The following TMEFF1 variants were observed in gnomAD, a reference collection of about 807,000 sequenced individuals.
TMEFF1 encodes the protein tomoregulin-1.
Under a neutral mutation model 47.5 loss-of-function variants are expected in TMEFF1, and 20 were observed. The ratio of observed to expected loss-of-function variants is 0.42; its 90% CI spans 0.30 to 0.61. The LOEUF (loss-of-function observed/expected upper bound fraction) is 0.61. Among genes scored for constraint, TMEFF1 ranks in the 20% least tolerant of loss-of-function variants. The pLI, the probability that TMEFF1 is intolerant of heterozygous loss-of-function variation, is 0.19. For synonymous variants in TMEFF1, 162 were observed against 166.3 expected (o/e 0.97, Z 0.20); for missense variants, 411 against 471.1 (o/e 0.87, Z 1.18).
intron 8 of TMEFF1, among the ~76,000 whole-genome samples, chr9:100,565,161 T>A (rs1839099107): frequency 6.6e-6 from 1 of 152,158 alleles, no homozygotes; most frequent in South Asian, 2.1e-4. Flanking sequence ...GAGATGTGAT[T>A]GAAGACATAC....
intron 5 of TMEFF1, among the ~76,000 whole-genome samples, chr9:100,528,508 G>T (rs1838310828): frequency 6.9e-6 from 1 of 145,620 alleles, no homozygotes; most frequent in South Asian, 2.3e-4. Flanking sequence ...AAGATGAAAT[G>T]AATGAAATGA....
At chr9:100,532,283 C>T (rs1244710816) in intron 5 of TMEFF1, among the ~76,000 whole-genome samples, 2 of 152,134 alleles carry the variant, frequency 1.3e-5, no homozygotes, top group Non-Finnish European at 2.9e-5. Context: ...GCAAAAGAAA[C>T]TACTATCAGA....
At chr9:100,540,282 GAC>G (rs1357329723) in intron 5 of TMEFF1, among the ~76,000 whole-genome samples, 5 of 152,360 alleles carry the variant, frequency 3.3e-5, no homozygotes, top group South Asian at 4.1e-4. Flanking sequence ...CCTCTAGCTA[GAC>G]ACAGAGTGTT....
chr9:100,566,690 C>T (rs193231353), intron 8 of TMEFF1, among the ~76,000 whole-genome samples: 7 of 151,892 alleles, frequency 4.6e-5, no homozygotes, highest in African/African-American at 4.8e-5. Context: ...TGAGTGCCCC[C>T]GCCTTTTTTC....
intron 8 of TMEFF1, among the ~76,000 whole-genome samples, 193 bp from the exon 9 acceptor site, chr9:100,572,325 G>T (rs1443380743): frequency 6.6e-6 from 1 of 152,114 alleles, no homozygotes; most frequent in Non-Finnish European, 1.5e-5. Flanking sequence ...TTAGGTGAAA[G>T]ACGCACCATG....
At chr9:100,513,922 T>C (rs1198687405) in intron 4 of TMEFF1, among the ~76,000 whole-genome samples, 1 of 152,212 alleles carries the variant, frequency 6.6e-6, no homozygotes, top group Non-Finnish European at 1.5e-5. Context: ...TATCTATGTT[T>C]TTGATTTTAT....
At chr9:100,527,149 A>C (rs1355754785) in intron 5 of TMEFF1, among the ~76,000 whole-genome samples, 2 of 151,990 alleles carry the variant, frequency 1.3e-5, no homozygotes, top group African/African-American at 2.4e-5. Flanking sequence ...TCTTAAAAAA[A>C]AAAAACAAAA....
intron 1 of TMEFF1, among the ~76,000 whole-genome samples, chr9:100,480,510 A>G (rs183483542): frequency 1.3e-5 from 2 of 152,360 alleles, no homozygotes; most frequent in East Asian, 1.9e-4. Context: ...GAATTAAATT[A>G]TGGTTAAGAC....
intron 5 of TMEFF1, among the ~76,000 whole-genome samples, chr9:100,533,592 C>T (rs1042718155): frequency 5.9e-5 from 9 of 151,956 alleles, no homozygotes; most frequent in African/African-American, 1.9e-4. Flanking sequence ...TTTTACTAAC[C>T]TCTGTTGTAA....
chr9:100,476,784 C>T (rs1201139341), intron 1 of TMEFF1, among the ~76,000 whole-genome samples: 2 of 149,556 alleles, frequency 1.3e-5, no homozygotes, highest in Non-Finnish European at 3.0e-5. Flanking sequence ...GCAAGCTCCG[C>T]CTCCCGGGTT....
At chr9:100,527,459 G>C (rs183771458) in intron 5 of TMEFF1, among the ~76,000 whole-genome samples, 5 of 152,182 alleles carry the variant, frequency 3.3e-5, no homozygotes, top group Admixed American at 6.5e-5. Flanking sequence ...TTCCCTTTCC[G>C]AGTCAAAGAA....
At chr9:100,540,967 A>C (rs1838617047) in intron 5 of TMEFF1, among the ~76,000 whole-genome samples, 1 of 151,868 alleles carries the variant, frequency 6.6e-6, no homozygotes, top group East Asian at 1.9e-4. Flanking sequence ...TTATTTGTTG[A>C]TTATGTGGGC....
intron 5 of TMEFF1, 70 bp downstream of exon 5, chr9:100,516,841 G>T: frequency 6.5e-7 from 1 of 1,530,336 alleles, no homozygotes; most frequent in Non-Finnish European, 8.8e-7. Context: ...ATTGTGGAAA[G>T]GTATCATTTA....
chr9:100,547,203 A>G (rs1838750750), intron 5 of TMEFF1, among the ~76,000 whole-genome samples: 2 of 151,824 alleles, frequency 1.3e-5, no homozygotes, highest in African/African-American at 4.8e-5. Flanking sequence ...TTTTGTAGAG[A>G]TGGGGTCTTG....
At chr9:100,476,005 A>C (rs138965622) in intron 1 of TMEFF1, among the ~76,000 whole-genome samples, 1 of 152,222 alleles carries the variant, frequency 6.6e-6, no homozygotes, top group African/African-American at 2.4e-5. Context: ...GGGGCAAGTT[A>C]CTTAATTTCT....
At chr9:100,536,828 G>T (rs936400408) in intron 5 of TMEFF1, among the ~76,000 whole-genome samples, 2 of 152,142 alleles carry the variant, frequency 1.3e-5, no homozygotes, top group African/African-American at 2.4e-5. Flanking sequence ...TGCAATTCTA[G>T]CTGGTTAACA....
chr9:100,541,271 C>T (rs7861317), intron 5 of TMEFF1, among the ~76,000 whole-genome samples: 19,455 of 151,290 alleles, frequency 0.13, 1,385 homozygotes, highest in Middle Eastern at 0.18. Context: ...TTCAGTTTTG[C>T]TGATATTTTT....
chr9:100,534,623 GA>G (rs1383346708), intron 5 of TMEFF1, among the ~76,000 whole-genome samples: 1 of 152,066 alleles, frequency 6.6e-6, no homozygotes, highest in Middle Eastern at 3.2e-3. Context: ...GACTTTACTT[GA>G]AATGGTAATT....
intron 6 of TMEFF1, among the ~76,000 whole-genome samples, chr9:100,549,271 G>A (rs1838790432): frequency 6.6e-6 from 1 of 152,136 alleles, no homozygotes. Context: ...AGAACAAAGG[G>A]AGGTGTCATG....
Sources: gnomAD v4.1 joint callset for allele counts (sites outside exome capture counted in the v4.1 genomes callset) on GRCh38, gnomAD v4.1.1 for gene constraint, MANE v1.5 for transcripts, NCBI Gene and HGNC (gene_info 2026-07-23, HGNC 2026-07-21) for gene names.